Variants in SOX6 observed in about 807,000 individuals in gnomAD.
SOX6 encodes SRY-box transcription factor 6, also known as transcription factor SOX-6.
SOX6 carries 11 observed loss-of-function variants against 97.8 expected under a neutral mutation model. The observed-to-expected ratio is 0.11, with a 90% CI of 0.07 to 0.19. The LOEUF (loss-of-function observed/expected upper bound fraction) is 0.19. Ranked by LOEUF, SOX6 falls within the 10% of genes least tolerant of loss-of-function variation. The pLI is 1.00. For synonymous variants in SOX6, 360 were observed against 371.4 expected, an observed-to-expected ratio of 0.97 and a Z score of 0.35; for missense variants, 810 against 1,039.5, an observed-to-expected ratio of 0.78 and a Z score of 3.04.
chr11:16,615,486 G>A (rs756529311), intron 3 of SOX6, among the ~76,000 whole-genome samples: 3 of 152,190 alleles, frequency 2.0e-5, no homozygotes, highest in Non-Finnish European at 4.4e-5. Context: ...CACATGTGCA[G>A]TCAGGGACCA....
intron 4 of SOX6, among the ~76,000 whole-genome samples, chr11:16,563,048 C>A (rs1221912471): frequency 6.6e-6 from 1 of 152,004 alleles, no homozygotes; most frequent in Admixed American, 6.5e-5. Context: ...TGTCATACCA[C>A]AAAAGATCTC....
intron 6 of SOX6, among the ~76,000 whole-genome samples, chr11:16,171,483 C>T (rs1851037323): frequency 6.6e-6 from 1 of 151,934 alleles, no homozygotes; most frequent in Non-Finnish European, 1.5e-5. Flanking sequence ...TAGAGTACAT[C>T]AGACTCTTTT....
chr11:16,180,100 A>G (rs577490519), intron 6 of SOX6, among the ~76,000 whole-genome samples: 48 of 151,860 alleles, frequency 3.2e-4, no homozygotes, highest in African/African-American at 1.2e-3. Flanking sequence ...TGGTCAAATG[A>G]GGTTAGATGA....
chr11:16,657,655 T>C (rs1011427585), intron 3 of SOX6, among the ~76,000 whole-genome samples: 1 of 152,214 alleles, frequency 6.6e-6, no homozygotes, highest in Non-Finnish European at 1.5e-5. Context: ...GCTTGTTTTT[T>C]ACTTTTTTGT....
upstream of SOX6, among the ~76,000 whole-genome samples, chr11:16,477,913 C>T (rs1860283577): frequency 6.6e-6 from 1 of 152,160 alleles, no homozygotes; most frequent in Non-Finnish European, 1.5e-5. Flanking sequence ...CTAGCTCTGT[C>T]ATTAATTGTT....
intron 4 of SOX6, among the ~76,000 whole-genome samples, chr11:16,575,006 C>T (rs1285961972): frequency 6.6e-6 from 1 of 151,194 alleles, no homozygotes. Flanking sequence ...CACCACTGCA[C>T]TCCATCCTGG....
Position 15,999,716 on chromosome 11 carries a change from T to C in SOX6, c.1733-10486A>G, listed in dbSNP as rs183635002. Among the ~76,000 whole-genome samples, 8 of 152,258 alleles carry C rather than the reference T, an allele frequency of 5.3e-5. No individual in the cohort carries two copies. The East Asian group carries it at 1.5e-3, about 29-fold the overall frequency. ...TGAATTATTAAGAAGAGCAAAAAAC[T>C]ATAATTGATTGCTTATGAAGAGAAA... On this transcript the variant is annotated intron_variant, in intron 13 of 15. Coordinates refer to ENST00000683767, the MANE Select transcript of SOX6 (RefSeq NM_001367873.1).
chr11:16,688,369 T>C lies in SOX6; in HGVS notation n.429+26461A>G, dbSNP rs1847984807. ...CCATTATTTTACTTAAATATTTTTC[T>C]TTCCCTACTCCCTTTCAGAGATTCC... On this transcript the variant is annotated intron_variant and non_coding_transcript_variant, in intron 3 of 5. Transcript: ENST00000524520. Among the ~76,000 whole-genome samples, 6 of 152,362 alleles carry C rather than the reference T, an allele frequency of 3.9e-5. No individual in the cohort carries two copies. In the South Asian group the frequency reaches 1.2e-3, roughly 32 times the overall value.
intron 3 of SOX6, chr11:16,318,037 A>C (rs1412010516): frequency 2.4e-6 from 1 of 416,032 alleles, no homozygotes; most frequent in Non-Finnish European, 4.7e-6. Flanking sequence ...ATATTTATAA[A>C]AATGAAGAGA....
At chr11:16,521,907 A>G (rs1232136460) in intron 4 of SOX6, among the ~76,000 whole-genome samples, 2 of 152,226 alleles carry the variant, frequency 1.3e-5, no homozygotes. Flanking sequence ...AATGAAATGA[A>G]GCGAGAAGAG....
chr11:16,141,005 A>T (rs543648065), intron 6 of SOX6, among the ~76,000 whole-genome samples: 1 of 151,980 alleles, frequency 6.6e-6, no homozygotes, highest in Non-Finnish European at 1.5e-5. Flanking sequence ...TCCCAGCTAC[A>T]TGGGAAGCTG....
intron 2 of SOX6, among the ~76,000 whole-genome samples, chr11:16,730,840 T>C (rs1848344329): frequency 6.6e-6 from 1 of 152,004 alleles, no homozygotes; most frequent in Non-Finnish European, 1.5e-5. Flanking sequence ...ACAAAACAGA[T>C]AGACCACTAG....
chr11:16,132,397 A>C (rs1590216437), intron 6 of SOX6, among the ~76,000 whole-genome samples: 1 of 82,960 alleles, frequency 1.2e-5, no homozygotes, highest in Non-Finnish European at 2.3e-5. Flanking sequence ...AAAGAAAGAA[A>C]GAAAAAAGAA....
chr11:16,104,229 A>T (rs755890873), intron 7 of SOX6, among the ~76,000 whole-genome samples: 4 of 152,036 alleles, frequency 2.6e-5, no homozygotes, highest in Non-Finnish European at 4.4e-5. Context: ...ATATATTTAA[A>T]TAATCAACTA....
At chr11:16,517,586 C>T (rs936747768) in intron 4 of SOX6, among the ~76,000 whole-genome samples, 1 of 152,142 alleles carries the variant, frequency 6.6e-6, no homozygotes, top group African/African-American at 2.4e-5. Flanking sequence ...GACATGCTAG[C>T]AATGCAGTTT....
chr11:16,113,182 G>C (rs1052239300), intron 6 of SOX6, among the ~76,000 whole-genome samples: 1 of 152,162 alleles, frequency 6.6e-6, no homozygotes, highest in Non-Finnish European at 1.5e-5. Flanking sequence ...GTAGGTCTAA[G>C]AGGTTTCGTT....
At chr11:16,563,244 A>T (rs75733327) in intron 4 of SOX6, among the ~76,000 whole-genome samples, 13 of 152,170 alleles carry the variant, frequency 8.5e-5, no homozygotes, top group Admixed American at 4.6e-4. Context: ...TGAAAAAAAA[A>T]CTGAAAACTA....
chr11:16,622,068 T>C (rs1590015592), intron 3 of SOX6, among the ~76,000 whole-genome samples: 1 of 152,316 alleles, frequency 6.6e-6, no homozygotes, highest in African/African-American at 2.4e-5. Flanking sequence ...TTTCTTAAAG[T>C]AATGCTTGCA....
At position 16,206,777 on chromosome 11, in the gene SOX6, T is replaced by C. The variant is rs529060169; in HGVS notation, c.536-19822A>G. On this transcript the variant is annotated intron_variant, in intron 4 of 15. Transcript: ENST00000683767. ...TAATATAGAAATATTATGATTTATTTTATCCTGTTTAATAAATTTACATAA... is the reference window on the plus strand; with the variant it reads ...TAATATAGAAATATTATGATTTATTCTATCCTGTTTAATAAATTTACATAA... 3.9e-5 allele frequency among the ~76,000 whole-genome samples: 6 copies of C among 152,308 alleles called. No individual in the cohort carries two copies. In the East Asian group the frequency reaches 1.2e-3, roughly 29 times the overall value.
Sources: gnomAD v4.1 joint callset for allele counts (sites outside exome capture counted in the v4.1 genomes callset) on GRCh38, gnomAD v4.1.1 for gene constraint, MANE v1.5 for transcripts, NCBI Gene and HGNC (gene_info 2026-07-23, HGNC 2026-07-21) for gene names.